RBPJ: variants seen among roughly 807,000 people sequenced by gnomAD.
The protein encoded by RBPJ is recombining binding protein suppressor of hairless.
Under a neutral mutation model 67.8 loss-of-function variants are expected in RBPJ, and 9 were observed. That is an observed-to-expected ratio of 0.13 (90% confidence interval 0.08 to 0.23). The LOEUF is 0.23. RBPJ is among the 10% of genes least tolerant of loss of function. The pLI is 1.00. For synonymous variants in RBPJ, 198 were observed against 203.3 expected, an observed-to-expected ratio of 0.97 and a Z score of 0.22; for missense variants, 305 against 595.6, an observed-to-expected ratio of 0.51 and a Z score of 5.08.
chr4:26,229,356 C>G (rs76407298), intron 1 of RBPJ, among the ~76,000 whole-genome samples: 54 of 152,248 alleles, frequency 3.5e-4, no homozygotes, highest in African/African-American at 1.3e-3. Context: ...GGGCTGAACC[C>G]TGGCACAACT....
At chr4:26,364,669 C>G (rs1728440103) in intron 1 of RBPJ, among the ~76,000 whole-genome samples, 1 of 135,574 alleles carries the variant, frequency 7.4e-6, no homozygotes, top group Non-Finnish European at 1.5e-5. Context: ...CTCTGTTGCT[C>G]AGGCTGGAGT....
chr4:26,218,615 T>C (rs942013742), intron 1 of RBPJ, among the ~76,000 whole-genome samples: 3 of 152,216 alleles, frequency 2.0e-5, no homozygotes, highest in Non-Finnish European at 4.4e-5. Flanking sequence ...GCTGTTGCTG[T>C]CTGTGCCAGG....
At chr4:26,310,038 T>A (rs1722379742) in intron 1 of RBPJ, among the ~76,000 whole-genome samples, 1 of 152,212 alleles carries the variant, frequency 6.6e-6, no homozygotes, top group Non-Finnish European at 1.5e-5. Context: ...GCTGCACATA[T>A]TAACAAGCTA....
chr4:26,395,198 T>C (rs1731992688), intron 2 of RBPJ, among the ~76,000 whole-genome samples: 1 of 152,168 alleles, frequency 6.6e-6, no homozygotes, highest in Non-Finnish European at 1.5e-5. Context: ...GGCTCAAGCC[T>C]GTAATCCCAG....
At chr4:26,376,689 T>C (rs1729779756) in intron 1 of RBPJ, among the ~76,000 whole-genome samples, 1 of 152,246 alleles carries the variant, frequency 6.6e-6, no homozygotes, top group African/African-American at 2.4e-5. Context: ...GTGTTTAGTA[T>C]TTTGAGGAAC....
At chr4:26,256,812 T>C (rs16878212) in intron 1 of RBPJ, among the ~76,000 whole-genome samples, 14,428 of 152,246 alleles carry the variant, frequency 0.095, 2,156 homozygotes, top group African/African-American at 0.31. Context: ...GGAAGAACAT[T>C]GAGAACTTCA....
intron 2 of RBPJ, among the ~76,000 whole-genome samples, chr4:26,387,937 TAAA>T (rs1731087461): frequency 6.6e-6 from 1 of 152,106 alleles, no homozygotes; most frequent in Admixed American, 6.6e-5. Flanking sequence ...CTGGCAAACT[TAAA>T]GAAGGATTGA....
intron 1 of RBPJ, among the ~76,000 whole-genome samples, chr4:26,270,790 A>C (rs1330582093): frequency 6.6e-6 from 1 of 152,190 alleles, no homozygotes; most frequent in African/African-American, 2.4e-5. Context: ...GACAGTAGAC[A>C]GCTTGACAAG....
At chr4:26,172,189 C>G (rs10014498) in intron 1 of RBPJ, among the ~76,000 whole-genome samples, 34,567 of 152,044 alleles carry the variant, frequency 0.23, 5,610 homozygotes, top group African/African-American at 0.46. Context: ...TACAGACAGC[C>G]CCTGAGTCAC....
the RBPJ span, among the ~76,000 whole-genome samples, chr4:26,107,885 G>T: frequency 6.6e-6 from 1 of 152,128 alleles, no homozygotes; most frequent in Non-Finnish European, 1.5e-5. Flanking sequence ...GCAACAGAAA[G>T]AGACCCTGTC....
At chr4:26,416,846 C>T (rs1006182943) in intron 4 of RBPJ, among the ~76,000 whole-genome samples, 1 of 152,110 alleles carries the variant, frequency 6.6e-6, no homozygotes, top group Non-Finnish European at 1.5e-5. Flanking sequence ...ATGTCAACCT[C>T]CTTCAAATTT....
intron 1 of RBPJ, among the ~76,000 whole-genome samples, chr4:26,279,641 G>A (rs888908500): frequency 3.9e-5 from 6 of 152,148 alleles, no homozygotes; most frequent in Non-Finnish European, 5.9e-5. Context: ...AATGTAGGAT[G>A]ATTCTAAGAC....
intron 1 of RBPJ, among the ~76,000 whole-genome samples, chr4:26,227,511 C>G (rs1445243328): frequency 6.6e-6 from 1 of 152,148 alleles, no homozygotes; most frequent in Non-Finnish European, 1.5e-5. Flanking sequence ...GGGAAAAGGG[C>G]CCAAGATGGG....
chr4:26,211,127 C>T (rs1191408990), intron 1 of RBPJ, among the ~76,000 whole-genome samples: 1 of 152,072 alleles, frequency 6.6e-6, no homozygotes, highest in South Asian at 2.1e-4. Flanking sequence ...ATGGAAATAG[C>T]CTTACTCAAG....
chr4:26,195,162 A>C (rs1165383996), intron 1 of RBPJ, among the ~76,000 whole-genome samples: 5 of 152,210 alleles, frequency 3.3e-5, no homozygotes, highest in Non-Finnish European at 7.3e-5. Context: ...TGAAGCCGAG[A>C]GTTCAAGACC....
At chr4:26,220,159 C>T (rs1718855477) in intron 1 of RBPJ, among the ~76,000 whole-genome samples, 1 of 152,110 alleles carries the variant, frequency 6.6e-6, no homozygotes. Context: ...TGTACATGCT[C>T]AGTAAATGAT....
intron 3 of RBPJ, among the ~76,000 whole-genome samples, chr4:26,407,797 A>G (rs950085636): frequency 6.6e-6 from 1 of 151,972 alleles, no homozygotes; most frequent in Non-Finnish European, 1.5e-5. Flanking sequence ...ATGTGATTAA[A>G]TTAATTTACA....
chr4:26,224,109 CTTGAA>C (rs1235193667), intron 1 of RBPJ, among the ~76,000 whole-genome samples: 1 of 152,186 alleles, frequency 6.6e-6, no homozygotes, highest in East Asian at 1.9e-4. Flanking sequence ...GGTTAATTGT[CTTGAA>C]TTGATCTCCA....
intron 1 of RBPJ, among the ~76,000 whole-genome samples, chr4:26,237,266 G>A (rs1719482898): frequency 6.6e-6 from 1 of 151,978 alleles, no homozygotes; most frequent in African/African-American, 2.4e-5. Flanking sequence ...TGTGTGTGCT[G>A]TCACTTAAGT....
Sources: allele counts gnomAD v4.1 joint callset (sites outside exome capture counted in the v4.1 genomes callset), GRCh38; gene constraint gnomAD v4.1.1; transcripts MANE v1.5; gene names NCBI Gene and HGNC (gene_info 2026-07-23, HGNC 2026-07-21).